Variants in TENM1 observed in about 807,000 individuals in gnomAD.
TENM1 encodes the protein teneurin-1.
In TENM1, 35 loss-of-function variants were observed where a neutral mutation model predicts 174.8. That is an observed-to-expected ratio of 0.20 (90% CI 0.15 to 0.27). The LOEUF (loss-of-function observed/expected upper bound fraction) is 0.27, where lower values mean the gene tolerates loss of function less well. TENM1 is among the 10% of genes least tolerant of loss of function. The pLI, the probability that TENM1 is intolerant of heterozygous loss-of-function variation, is 1.00. For synonymous variants in TENM1, 781 were observed against 798.7 expected (o/e 0.98, Z 0.37); for missense variants, 1,633 against 2,130.1 (o/e 0.77, Z 4.59).
intron 4 of TENM1, among the ~76,000 whole-genome samples, chrX:124,717,938 T>C (rs755685973): frequency 8.9e-6 from 1 of 112,457 alleles, no homozygotes. Flanking sequence ...TGATTATCCA[T>C]GTACTTTCTA....
intron 6 of TENM1, among the ~76,000 whole-genome samples, chrX:124,668,776 A>C (rs1330669735): frequency 9.0e-6 from 1 of 111,550 alleles, no homozygotes; most frequent in Non-Finnish European, 1.9e-5. Flanking sequence ...GTGCAGCACA[A>C]CAACATGGCA....
intron 3 of TENM1, among the ~76,000 whole-genome samples, chrX:124,760,248 C>T (rs1293765279): frequency 5.4e-5 from 6 of 111,484 alleles, no homozygotes; most frequent in African/African-American, 1.6e-4. Context: ...TCTATGTGTC[C>T]GCAAGCCTCA....
chrX:125,147,133 ATATG>A, the TENM1 span, among the ~76,000 whole-genome samples: 2 of 97,016 alleles, frequency 2.1e-5, no homozygotes, highest in Admixed American at 1.1e-4. Flanking sequence ...ATATACACAC[ATATG>A]TGTGTATATA....
intron 1 of TENM1, among the ~76,000 whole-genome samples, chrX:124,946,860 A>C (rs1344155447): frequency 9.2e-6 from 1 of 108,446 alleles, no homozygotes; most frequent in Non-Finnish European, 1.9e-5. Flanking sequence ...CACCTTAATG[A>C]GGTAGAAGGA....
chrX:124,859,067 A>T (rs1444231153), intron 3 of TENM1, among the ~76,000 whole-genome samples: 1 of 111,477 alleles, frequency 9.0e-6, no homozygotes, highest in Non-Finnish European at 1.9e-5. Context: ...TTTTTTGTAA[A>T]TATGTTAATC....
intron 1 of TENM1, among the ~76,000 whole-genome samples, chrX:124,950,368 T>C (rs2058465179): frequency 8.9e-6 from 1 of 111,950 alleles, no homozygotes; most frequent in Non-Finnish European, 1.9e-5. Context: ...TGTATCAAAG[T>C]ATCTACTTAC....
intron 1 of TENM1, among the ~76,000 whole-genome samples, chrX:124,956,599 C>G (rs1161372229): frequency 8.9e-6 from 1 of 112,118 alleles, no homozygotes; most frequent in Non-Finnish European, 1.9e-5. Flanking sequence ...ACAAATGTTA[C>G]TAGTTGAAAG....
chrX:125,135,975 A>G, the TENM1 span, among the ~76,000 whole-genome samples: 1 of 111,925 alleles, frequency 8.9e-6, no homozygotes, highest in East Asian at 2.8e-4. Flanking sequence ...CATGAGTTCT[A>G]CCTTTACAAC....
intron 3 of TENM1, among the ~76,000 whole-genome samples, chrX:124,742,452 T>A (rs2053822503): frequency 8.9e-6 from 1 of 111,797 alleles, no homozygotes; most frequent in Non-Finnish European, 1.9e-5. Flanking sequence ...ATATTTATGG[T>A]CTTTACTTAT....
At chrX:125,134,600 T>A in the TENM1 span, among the ~76,000 whole-genome samples, 6 of 112,209 alleles carry the variant, frequency 5.3e-5, no homozygotes, top group Non-Finnish European at 1.1e-4. Context: ...TTTGCTGGTT[T>A]GGCCTGATAC....
chrX:124,471,247 A>G (rs6649237), intron 22 of TENM1, among the ~76,000 whole-genome samples: 1,258 of 45,594 alleles, frequency 0.028, 29 homozygotes, highest in African/African-American at 0.037. Flanking sequence ...ATAATATATA[A>G]TAATATATAT....
At chrX:124,985,384 C>G in the TENM1 span, among the ~76,000 whole-genome samples, 2 of 112,276 alleles carry the variant, frequency 1.8e-5, no homozygotes, top group African/African-American at 6.5e-5. Flanking sequence ...TTGAATCACC[C>G]TCTAGGCCCA....
Position 124,764,922 on chromosome X carries a change from A to G in TENM1, c.536-27725T>C, listed in dbSNP as rs975743494. 2.7e-5 allele frequency among the ~76,000 whole-genome samples: 3 copies of G among 110,486 alleles called. No individual in the cohort carries two copies. In the Admixed American group the frequency reaches 2.9e-4, roughly 11 times the overall value. On this transcript the variant is annotated intron_variant, in intron 3 of 31. Transcript: ENST00000422452. The stretch of plus-strand genomic sequence containing the variant: ...CTCTGAATCTTTGCATTCATACTTG[A>G]CTTCCCACCTTGAATGTCCTTTCAT...
chrX:124,681,542 T>C (rs1381623094), intron 5 of TENM1, among the ~76,000 whole-genome samples: 1 of 111,809 alleles, frequency 8.9e-6, no homozygotes, highest in African/African-American at 3.2e-5. Flanking sequence ...TTGCTGAGGA[T>C]ACAACACTTA....
chrX:124,562,087 G>A (rs1360117087), intron 13 of TENM1, among the ~76,000 whole-genome samples: 1 of 111,843 alleles, frequency 8.9e-6, no homozygotes, highest in African/African-American at 3.2e-5. Flanking sequence ...AGAAAACTAT[G>A]GCAGGGGCAA....
In TENM1 at chrX:124,518,675, G is replaced by A. The variant is rs185981774; in HGVS notation, c.3301+1842C>T. Among the ~76,000 whole-genome samples the A allele has an allele frequency of 1.5e-3, 170 of 111,915 alleles. 3 individuals are homozygous for A. Among genetic ancestry groups the A allele is most frequent in the Middle Eastern group, 0.014 (3 of 217 alleles). ...AATCATTATATCATAACAAACCTAT[G>A]AGTAACATAATCTTTATGATATTCA... is the stretch of plus-strand genomic sequence containing the variant. On this transcript the variant is annotated intron_variant, in intron 18 of 31. Coordinates refer to ENST00000422452, the Ensembl canonical transcript of TENM1.
chrX:125,085,882 GATTT>G, the TENM1 span, among the ~76,000 whole-genome samples: 1 of 110,384 alleles, frequency 9.1e-6, no homozygotes, highest in African/African-American at 3.3e-5. Context: ...TTTCTTTTGT[GATTT>G]TTTTTCTATA....
At chrX:125,051,057 G>GACA in the TENM1 span, among the ~76,000 whole-genome samples, 563 of 111,169 alleles carry the variant, frequency 5.1e-3, 5 homozygotes, top group African/African-American at 0.017. Context: ...ACCAATAACA[G>GACA]ACAGAGAGCC....
chrX:125,033,386 T>C, the TENM1 span, among the ~76,000 whole-genome samples: 1 of 111,680 alleles, frequency 9.0e-6, no homozygotes, highest in Non-Finnish European at 1.9e-5. Context: ...TTGACCCATA[T>C]GAAAAAAACC....
Sources: gnomAD v4.1 joint callset for allele counts (sites outside exome capture counted in the v4.1 genomes callset) on GRCh38, gnomAD v4.1.1 for gene constraint, MANE v1.5 for transcripts, NCBI Gene and HGNC (gene_info 2026-07-23, HGNC 2026-07-21) for gene names.